IGLL5: variants seen among roughly 807,000 people sequenced by gnomAD.
IGLL5 encodes immunoglobulin lambda-like polypeptide 5.
In IGLL5, 30 loss-of-function variants were observed where a neutral mutation model predicts 20.9. The observed-to-expected ratio is 1.44, with a 90% CI of 1.07 to 1.95. The LOEUF (loss-of-function observed/expected upper bound fraction) is 1.95. IGLL5 is among the 30% of genes most tolerant of loss of function. The probability of loss-of-function intolerance (pLI) is 0.00; values close to 1 mark genes in which losing one functional copy is unlikely to be tolerated. For synonymous variants in IGLL5, 203 were observed against 117.3 expected, an observed-to-expected ratio of 1.73 and a Z score of -4.72; for missense variants, 475 against 270.7, an observed-to-expected ratio of 1.75 and a Z score of -5.30.
In IGLL5 at chr22:22,887,939, G is replaced by C. The variant is rs1372850715; in HGVS notation, c.-115G>C. On this transcript the variant is annotated 5_prime_UTR_variant, in exon 1 of 3. Transcript: ENST00000526893. The stretch of plus-strand genomic sequence containing the variant: ...AGAGCCAGTCCAGGGAGAGGACAGA[G>C]CCAATGGACTGGGGTGTACTGTAAC... The C allele has an allele frequency of 6.0e-6, 5 of 835,394 alleles. No individual in the cohort carries two copies. The highest frequency in any genetic ancestry group is 2.7e-5 in the East Asian group (1 of 37,494). The allele number at this position is 835,394 out of a possible 1,614,324, so 51.7% of individuals were successfully genotyped here.
chr22:22,894,887 C>A (rs559856654), intron 2 of IGLL5, among the ~76,000 whole-genome samples: 1 of 151,346 alleles, frequency 6.6e-6, no homozygotes, highest in East Asian at 2.0e-4. Flanking sequence ...ATAGGAAGCT[C>A]CAGTTCAAAG....
chr22:22,888,474 A>G (rs566307612), intron 1 of IGLL5, among the ~76,000 whole-genome samples: 3 of 151,306 alleles, frequency 2.0e-5, no homozygotes, highest in South Asian at 2.1e-4. Context: ...ATTTTTCTTG[A>G]TTTCTGAGTT....
In IGLL5 at chr22:22,888,576, A is replaced by G. The variant is rs532638243; in HGVS notation, c.206+317A>G. 2.0e-5 allele frequency among the ~76,000 whole-genome samples: 3 copies of G among 151,314 alleles called. No individual in the cohort carries two copies. In the South Asian group the frequency reaches 6.4e-4, roughly 32 times the overall value. On this transcript the variant is annotated intron_variant, in intron 1 of 2. Transcript: ENST00000526893. The stretch of plus-strand genomic sequence containing the variant: ...GGGAAGGAACAGAGGCAGGGACAGG[A>G]CATCCACAGGGGGTGGTGGCCACTG...
Position 22,895,931 on chromosome 22 carries a change from A to T in IGLL5, c.*237A>T. 1 of 598,686 alleles carries T rather than the reference A, an allele frequency of 1.7e-6. No homozygotes were observed. Among genetic ancestry groups the T allele is most frequent in the Non-Finnish European group, 3.0e-6 (1 of 337,544 alleles). 37.1% of individuals were successfully genotyped at this position (598,686 alleles called of 1,614,324 possible). The stretch of plus-strand genomic sequence containing the variant: ...GAATTCTGCACCCAGTGTGAAAATC[A>T]CCCAAGGGAGGAGGCTCACAGCCTC... On this transcript the variant is annotated 3_prime_UTR_variant, in exon 3 of 3. Transcript: ENST00000526893.
chr22:22,888,651 T>A (rs1228301875), intron 1 of IGLL5, among the ~76,000 whole-genome samples: 3 of 151,198 alleles, frequency 2.0e-5, no homozygotes, highest in Middle Eastern at 3.8e-3. Flanking sequence ...TCTCTGCCCA[T>A]GTGCCTCCTG....
intron 1 of IGLL5, among the ~76,000 whole-genome samples, chr22:22,889,125 G>C (rs540166386): frequency 6.6e-6 from 1 of 151,184 alleles, no homozygotes; most frequent in Admixed American, 6.6e-5. Flanking sequence ...ATCAGCACCG[G>C]ATTGGAGGCT....
chr22:22,893,872 A>C lies in IGLL5; in HGVS notation c.325+54A>C, dbSNP rs1389730507. The C allele has an allele frequency of 4.0e-6, 5 of 1,256,840 alleles. No individual in the cohort carries two copies. In the African/African-American group the frequency reaches 4.4e-5, roughly 11 times the overall value. 77.9% of individuals were successfully genotyped at this position (1,256,840 alleles called of 1,614,324 possible). A position where few individuals can be genotyped will look rare whatever the true frequency, so the allele number is the denominator to read the frequency against. On this transcript the variant is annotated intron_variant, in intron 2 of 2. Transcript: ENST00000526893. ...GTCTCACCCTCTGCTGTCCCTGGAA[A>C]ATCTGTTTTCTCTCTCTGGGGCTTC...
chr22:22,887,867 G>A lies in IGLL5; in HGVS notation c.-187G>A. On this transcript the variant is annotated 5_prime_UTR_variant, in exon 1 of 3. Coordinates refer to ENST00000526893, the MANE Select transcript of IGLL5 (RefSeq NM_001178126.2). ...TGCCCCTCTGGGAGAGATCCCCAGG[G>A]GTGACAGCCATGGACCCTGGAAGGG... is the stretch of plus-strand genomic sequence containing the variant. 1 of 630,776 alleles carries A rather than the reference G, an allele frequency of 1.6e-6. No homozygotes were observed. Among genetic ancestry groups the A allele is most frequent in the Non-Finnish European group, 2.9e-6 (1 of 348,486 alleles). 39.1% of individuals were successfully genotyped at this position (630,776 alleles called of 1,614,324 possible).
intron 1 of IGLL5, among the ~76,000 whole-genome samples, chr22:22,892,015 A>T (rs2146018374): frequency 6.6e-6 from 1 of 151,022 alleles, no homozygotes; most frequent in East Asian, 2.0e-4. Context: ...CTTTTATGTC[A>T]TTTCATTGGC....
chr22:22,889,838 C>A (rs2067757473), intron 1 of IGLL5, among the ~76,000 whole-genome samples: 1 of 151,314 alleles, frequency 6.6e-6, no homozygotes, highest in South Asian at 2.1e-4. Context: ...CTCAAGCAAT[C>A]TTTCTGCCTC....
Position 22,895,353 on chromosome 22 carries a change from AC to A in IGLL5, c.326-17del, listed in dbSNP as rs1453466992. ...CCCGGTATTCTGTCTGCCCTCTCTCACCCCCTTCCCTGTCCACACAGGTCAG... is the reference window on the plus strand; with the variant it reads ...CCCGGTATTCTGTCTGCCCTCTCTCACCCCTTCCCTGTCCACACAGGTCAG... On this transcript the variant is annotated intron_variant, in intron 2 of 2. Transcript: ENST00000526893. 3.1e-6 allele frequency: 5 copies of A among 1,606,852 alleles called. No homozygotes were observed. The East Asian group carries it at 6.7e-5, about 22-fold the overall frequency.
At chr22:22,888,366 A>G (rs539599666) in intron 1 of IGLL5, 107 bp downstream of exon 1, 7 of 1,008,794 alleles carry the variant, frequency 6.9e-6, no homozygotes, top group African/African-American at 4.9e-5. Context: ...TTAACCCCTA[A>G]GAGGGGCCTG....
rs2067629176 is a variant in IGLL5, at chr22:22,888,665, A to T, written c.206+406A>T. Among the ~76,000 whole-genome samples, 2 of 151,228 alleles carry T rather than the reference A, an allele frequency of 1.3e-5. 1 individual carries two copies. Among genetic ancestry groups the T allele is most frequent in the Middle Eastern group, 7.5e-3 (2 of 266 alleles). ...CTCTCTGCCCATGTGCCTCCTGCCC[A>T]GTGAGGGCAGGGGCCACTCCCTGGA... On this transcript the variant is annotated intron_variant, in intron 1 of 2. Coordinates refer to ENST00000526893, the MANE Select transcript of IGLL5 (RefSeq NM_001178126.2).
At chr22:22,894,590 G>A (rs2066671703) in intron 2 of IGLL5, among the ~76,000 whole-genome samples, 1 of 151,462 alleles carries the variant, frequency 6.6e-6, no homozygotes, top group Middle Eastern at 3.7e-3. Context: ...TTAGACTCAG[G>A]AAATGACCAG....
chr22:22,894,497 G>A (rs1238843029), intron 2 of IGLL5, among the ~76,000 whole-genome samples: 3 of 151,542 alleles, frequency 2.0e-5, no homozygotes, highest in African/African-American at 7.3e-5. Flanking sequence ...GCAGAGATGT[G>A]TCTGTCCCTG....
intron 2 of IGLL5, among the ~76,000 whole-genome samples, chr22:22,894,045 G>GAA: frequency 6.6e-6 from 1 of 151,444 alleles, no homozygotes; most frequent in African/African-American, 2.4e-5. Flanking sequence ...CCTGAGCTGG[G>GAA]ATTGGGCAGG....
At position 22,888,283 on chromosome 22, in the gene IGLL5, G is replaced by A. The variant is rs768446339; in HGVS notation, c.206+24G>A. The A allele has an allele frequency of 2.2e-5, 34 of 1,542,870 alleles. 1 individual carries two copies. The highest frequency in any genetic ancestry group is 5.9e-5 in the Admixed American group (3 of 50,638). On this transcript the variant is annotated intron_variant, in intron 1 of 2. Transcript: ENST00000526893. ...AGGTAAGGGGCAAGAGATTCCAGGG[G>A]ATGTGGGGGTCCTGCAGCAGAGCTG...
At chr22:22,894,589 G>C (rs139868103) in intron 2 of IGLL5, among the ~76,000 whole-genome samples, 1 of 151,406 alleles carries the variant, frequency 6.6e-6, no homozygotes, top group African/African-American at 2.4e-5. Flanking sequence ...GTTAGACTCA[G>C]GAAATGACCA....
At chr22:22,889,698 C>A (rs2067745746) in intron 1 of IGLL5, among the ~76,000 whole-genome samples, 1 of 151,296 alleles carries the variant, frequency 6.6e-6, no homozygotes, top group African/African-American at 2.4e-5. Context: ...AAAGATCCTC[C>A]AGCCTCAGCC....
Sources: gnomAD v4.1 joint callset for allele counts (sites outside exome capture counted in the v4.1 genomes callset) on GRCh38, gnomAD v4.1.1 for gene constraint, MANE v1.5 for transcripts, NCBI Gene and HGNC (gene_info 2026-07-23, HGNC 2026-07-21) for gene names.